The following RIF1 variants were observed in gnomAD, a reference collection of about 807,000 sequenced individuals.
The protein encoded by RIF1 is telomere-associated protein RIF1.
In RIF1, 45 loss-of-function variants were observed where a neutral mutation model predicts 247.1. The observed-to-expected ratio is 0.18, with a 90% CI of 0.14 to 0.23. RIF1 has a LOEUF of 0.23. Ranked by LOEUF, RIF1 falls within the 10% of genes least tolerant of loss-of-function variation. RIF1 has a pLI of 1.00. For synonymous variants in RIF1, 1,087 were observed against 978.8 expected (o/e 1.11, Z -2.06); for missense variants, 2,967 against 2,862.5 (o/e 1.04, Z -0.83).
At chr2:151,485,668 C>T (rs985877971), downstream of RIF1, 2 of 1,255,144 alleles carry the variant, frequency 1.6e-6, no homozygotes, top group Non-Finnish European at 2.2e-6. Context: ...CCATAGGCAG[C>T]TTGAGAACTT....
At position 151,464,908 on chromosome 2, in the gene RIF1, T is replaced by A; in HGVS notation, c.5388T>A (p.Phe1796Leu). The change falls in exon 30 of 36, where the codon TTT (phenylalanine) becomes TTA (leucine). Residue 1796 changes from phenylalanine (F) to leucine (L), a missense_variant. Phe to Leu is a conservative substitution (Grantham distance 22). Coordinates refer to ENST00000444746, the MANE Select transcript of RIF1 (RefSeq NM_018151.5). ...QFLDEHHSVN[F>L]HLGLKEDNDT... ...TAGATGAACATCATAGTGTGAATTT[T>A]CATTTGGGTCTCAAAGAGGATAATG... is the stretch of plus-strand genomic sequence containing the variant. 1.3e-6 allele frequency: 2 copies of A among 1,579,200 alleles called. No individual in the cohort carries two copies. The highest frequency in any genetic ancestry group is 8.6e-7 in the Non-Finnish European group (1 of 1,168,838).
chr2:151,526,246 T>A, the RIF1 span: 1 of 1,611,882 alleles, frequency 6.2e-7, no homozygotes, highest in Non-Finnish European at 8.5e-7. Flanking sequence ...CTTGACATGT[T>A]TCTCTTTGTA....
chr2:151,443,615 T>A lies in RIF1; in HGVS notation c.1892T>A (p.Val631Asp), dbSNP rs1692741431. The change falls in exon 18 of 36, where the codon GTT (valine) becomes GAT (aspartate). Residue 631 changes from valine to aspartate, a missense_variant. Around this residue, in one of 7 missense-constraint regions of RIF1, gnomAD observed 369 missense variants for 322.0 expected, o/e 1.15. Coordinates refer to ENST00000444746, the MANE Select transcript of RIF1 (RefSeq NM_018151.5). The stretch of plus-strand genomic sequence containing the variant: ...GCTTTCAGTGACTCAGTTTTAAATG[T>A]TATTAATCAAAATGCAAAGCAGTTG... ...PLAFSDSVLN[V>D]INQNAKQLEN... 2 of 1,612,810 alleles carry A rather than the reference T, an allele frequency of 1.2e-6. No individual in the cohort carries two copies. The highest frequency in any genetic ancestry group is 1.7e-6 in the Non-Finnish European group (2 of 1,179,518).
chr2:151,515,059 C>T, the RIF1 span: 2 of 632,692 alleles, frequency 3.2e-6, no homozygotes, highest in Non-Finnish European at 5.5e-6. Context: ...CTAATGGTCA[C>T]ACATTTGAAA....
intron 10 of RIF1, among the ~76,000 whole-genome samples, chr2:151,434,598 G>A (rs1433730891): frequency 1.3e-5 from 2 of 151,792 alleles, no homozygotes; most frequent in African/African-American, 2.4e-5. Flanking sequence ...CCGCCACCAC[G>A]CCCAGCTAAT....
At position 151,477,390 on chromosome 2, in the gene RIF1, T is replaced by A. The variant is rs2048980317; in HGVS notation, c.*2319T>A. On this transcript the variant is annotated 3_prime_UTR_variant, in exon 36 of 36. Coordinates refer to ENST00000444746, the MANE Select transcript of RIF1 (RefSeq NM_018151.5). ...TTATGCATATTTAAGAAGAAAAAAC[T>A]AGTGGCATACAGGATTGTCATGTAG... The A allele has an allele frequency of 6.6e-6, 1 of 152,046 alleles. No homozygotes were observed. Among genetic ancestry groups the A allele is most frequent in the South Asian group, 2.1e-4 (1 of 4,830 alleles). The allele number at this position is 152,046 out of a possible 1,614,324, so 9.4% of individuals were successfully genotyped here. A position where few individuals can be genotyped will look rare whatever the true frequency, so the allele number is the denominator to read the frequency against.
downstream of RIF1, among the ~76,000 whole-genome samples, chr2:151,509,615 T>C (rs190601529): frequency 6.6e-6 from 1 of 151,140 alleles, no homozygotes; most frequent in African/African-American, 2.4e-5. Flanking sequence ...GAAGAGAGGT[T>C]TTTTTTTTGT....
In RIF1 at chr2:151,477,676, C is replaced by A. The variant is rs1459562555; in HGVS notation, c.*2605C>A. On this transcript the variant is annotated 3_prime_UTR_variant, in exon 36 of 36. Coordinates refer to ENST00000444746, the MANE Select transcript of RIF1 (RefSeq NM_018151.5). ...CCGCCTGCCTCGGCCTCCCAAAGTG[C>A]TGGGATTACAGGCGTGAGCCACCCC... 1 of 152,620 alleles carries A rather than the reference C, an allele frequency of 6.6e-6. No individual in the cohort carries two copies. Among genetic ancestry groups the A allele is most frequent in the Non-Finnish European group, 1.5e-5 (1 of 68,520 alleles). The allele number at this position is 152,620 out of a possible 1,614,324, so 9.5% of individuals were successfully genotyped here.
chr2:151,468,844 A>AATTGATTGG, intron 33 of RIF1, 88 bp downstream of exon 33: 1 of 948,010 alleles, frequency 1.1e-6, no homozygotes, highest in East Asian at 2.4e-5. Context: ...TCATGTTTAG[A>AATTGATTGG]ATTGATTGGC....
intron 22 of RIF1, 54 bp downstream of exon 22, chr2:151,455,213 G>A: frequency 1.5e-6 from 2 of 1,345,204 alleles, no homozygotes; most frequent in Non-Finnish European, 2.0e-6. Flanking sequence ...TTTAAATATA[G>A]GTAGCAACTT....
At chr2:151,524,462 C>T in the RIF1 span, 1 of 1,609,676 alleles carries the variant, frequency 6.2e-7, no homozygotes, top group African/African-American at 1.3e-5. Context: ...GGTTGCCTGG[C>T]ATGCCTTGGC....
At chr2:151,495,794 T>TATC (rs1340932250) in intron 10 of RIF1, among the ~76,000 whole-genome samples, 64 of 152,220 alleles carry the variant, frequency 4.2e-4, no homozygotes, top group African/African-American at 1.4e-3. Context: ...TCATAATTTA[T>TATC]ATCATTATTC....
At chr2:151,506,085 G>C in intron 12 of RIF1, 1 of 1,199,644 alleles carries the variant, frequency 8.3e-7, no homozygotes, top group Non-Finnish European at 1.2e-6. Flanking sequence ...GGTGACAGAG[G>C]CTTTGAGTGC....
Position 151,494,023 on chromosome 2 carries a change from A to G in RIF1, c.*416-1206A>G, listed in dbSNP as rs926970675. 4.9e-5 allele frequency: 44 copies of G among 891,686 alleles called. No homozygotes were observed. In the East Asian group the frequency reaches 1.1e-3, roughly 22 times the overall value. The allele number at this position is 891,686 out of a possible 1,614,324, so 55.2% of individuals were successfully genotyped here. A position where few individuals can be genotyped will look rare whatever the true frequency, so the allele number is the denominator to read the frequency against. On this transcript the variant is annotated intron_variant and NMD_transcript_variant, in intron 9 of 13. Coordinates refer to the RIF1 transcript ENST00000454583. ...TAAAAATAGTTAATGGCTACAGTAA[A>G]TGTAGTGTGATATTTAGAGCAGATG...
At chr2:151,425,851 G>A (rs1688976857) in intron 8 of RIF1, among the ~76,000 whole-genome samples, 1 of 150,568 alleles carries the variant, frequency 6.6e-6, no homozygotes, top group African/African-American at 2.4e-5. Flanking sequence ...TTTCTTTTCT[G>A]TATTTTTATT....
intron 20 of RIF1, among the ~76,000 whole-genome samples, chr2:151,447,627 C>T (rs934828262): frequency 3.9e-5 from 6 of 152,232 alleles, no homozygotes; most frequent in Non-Finnish European, 7.4e-5. Flanking sequence ...CTCACTGCAG[C>T]CTCCGCCTTC....
At chr2:151,431,539 A>G (rs1339947371) in intron 9 of RIF1, among the ~76,000 whole-genome samples, 1 of 152,182 alleles carries the variant, frequency 6.6e-6, no homozygotes, top group Non-Finnish European at 1.5e-5. Flanking sequence ...CACGCCTGTA[A>G]TCCCAGCACT....
intron 20 of RIF1, among the ~76,000 whole-genome samples, chr2:151,449,034 A>G (rs1055157458): frequency 2.6e-5 from 4 of 152,184 alleles, no homozygotes; most frequent in Non-Finnish European, 4.4e-5. Flanking sequence ...CTTTCTAATC[A>G]AATTGTTCCT....
rs765029999 is a variant in RIF1, at chr2:151,420,288, T to C, written c.602T>C (p.Leu201Ser). Reference protein sequence around the residue: ...LVVHSAQKVHLRGATALEMGM... With the variant: ...LVVHSAQKVHSRGATALEMGM... ...GTTCATTCAGCACAAAAGGTACATTTGCGGGGAGCAACTGCTCTGGAGATG... is the reference window on the plus strand; with the variant it reads ...GTTCATTCAGCACAAAAGGTACATTCGCGGGGAGCAACTGCTCTGGAGATG... Residue 201 changes from leucine to serine, a missense_variant, in exon 7 of 36, where the codon TTG becomes TCG. Physicochemically the swap from Leu to Ser is moderately radical, Grantham distance 145. Around this residue, in one of 7 missense-constraint regions of RIF1, gnomAD observed 269 missense variants for 288.6 expected, o/e 0.93. Coordinates refer to ENST00000444746, the MANE Select transcript of RIF1 (RefSeq NM_018151.5). The C allele has an allele frequency of 1.2e-6, 2 of 1,614,164 alleles. No individual in the cohort carries two copies. Among genetic ancestry groups the C allele is most frequent in the South Asian group, 2.2e-5 (2 of 91,090 alleles).
Sources: allele counts gnomAD v4.1 joint callset (sites outside exome capture counted in the v4.1 genomes callset), GRCh38; gene constraint gnomAD v4.1.1; regional missense constraint gnomAD v4.1.1; transcripts MANE v1.5; gene names NCBI Gene and HGNC (gene_info 2026-07-23, HGNC 2026-07-21).